Variants in ANKRD26 observed in about 807,000 individuals in gnomAD.
ANKRD26 encodes the protein ankyrin repeat domain 26, also known as ankyrin repeat domain-containing protein 26.
A neutral mutation model predicts 208.7 loss-of-function variants in ANKRD26; 141 were observed. That is an observed-to-expected ratio of 0.68 (90% CI 0.59 to 0.78). The LOEUF (loss-of-function observed/expected upper bound fraction) is 0.78, where lower values mean the gene tolerates loss of function less well. Among genes scored for constraint, ANKRD26 ranks in the 30% least tolerant of loss-of-function variants. The pLI is 0.00. For synonymous variants in ANKRD26, 636 were observed against 660.4 expected, an observed-to-expected ratio of 0.96 and a Z score of 0.57; for missense variants, 1,889 against 1,938.7, an observed-to-expected ratio of 0.97 and a Z score of 0.48.
chr10:26,966,182 C>T, the ANKRD26 span, among the ~76,000 whole-genome samples: 11 of 152,088 alleles, frequency 7.2e-5, no homozygotes, highest in South Asian at 4.2e-4. Flanking sequence ...CACATGCACA[C>T]GTATGTTTAC....
chr10:27,068,505 CA>C (rs1476484382), intron 9 of ANKRD26, among the ~76,000 whole-genome samples: 1 of 151,974 alleles, frequency 6.6e-6, no homozygotes, highest in Non-Finnish European at 1.5e-5. Context: ...GACAGGGCAC[CA>C]TAAACAAAAG....
chr10:27,060,307 A>G, intron 15 of ANKRD26, 38 bp downstream of exon 15: 1 of 1,472,756 alleles, frequency 6.8e-7, no homozygotes. Context: ...ATTTTAACGT[A>G]CTTCCTTCCA....
intron 3 of ANKRD26, among the ~76,000 whole-genome samples, chr10:26,983,046 GT>G (rs1309125071): frequency 1.3e-5 from 2 of 152,108 alleles, no homozygotes; most frequent in African/African-American, 4.8e-5. Context: ...TGTGGCAAAG[GT>G]TCCACCTTGG....
chr10:27,052,660 T>C (rs559841609), intron 16 of ANKRD26, among the ~76,000 whole-genome samples: 2 of 152,282 alleles, frequency 1.3e-5, no homozygotes, highest in African/African-American at 4.8e-5. Flanking sequence ...GGTTCATTAA[T>C]AGTGGATTTA....
chr10:27,096,090 C>A (rs576575131), intron 1 of ANKRD26, among the ~76,000 whole-genome samples: 23 of 152,334 alleles, frequency 1.5e-4, no homozygotes, highest in African/African-American at 5.5e-4. Context: ...AGTCTCAACA[C>A]AGGAGCCAAG....
At chr10:27,066,092 A>C (rs1589318223) in intron 11 of ANKRD26, 1 of 156,320 alleles carries the variant, frequency 6.4e-6, no homozygotes, top group African/African-American at 2.4e-5. Context: ...CCATATCCTG[A>C]CCTCATGATC....
At chr10:27,071,159 A>ATTTTTTTTT (rs71386906) in intron 9 of ANKRD26, among the ~76,000 whole-genome samples, 3 of 85,838 alleles carry the variant, frequency 3.5e-5, no homozygotes, top group South Asian at 3.8e-4. Flanking sequence ...TGCTACATTC[A>ATTTTTTTTT]TTTTTTTTTT....
At position 27,035,391 on chromosome 10, in the gene ANKRD26, C is replaced by T. The variant is rs753614088; in HGVS notation, c.3059G>A (p.Arg1020His). 2.0e-5 allele frequency: 33 copies of T among 1,613,768 alleles called. No homozygotes were observed. The South Asian group carries it at 2.1e-4, about 10-fold the overall frequency. ...TCTTTTTGATGTCTCACTTTGATCA[C>T]GATCATGTATAGCAGCAGCCAATCT... The part of the protein sequence containing the change: ...HSRLAAAIHD[R>H]DQSETSKREL... Residue 1020 changes from arginine (R) to histidine (H), a missense_variant, in exon 24 of 34, where the codon CGT (arginine) becomes CAT (histidine). By Grantham distance (29) the Arg-to-His change is conservative. Around this residue, in one of 3 missense-constraint regions of ANKRD26, gnomAD observed 1,272 missense variants for 1,273.8 expected, o/e 1.00. Transcript: ENST00000376087.
intron 15 of ANKRD26, among the ~76,000 whole-genome samples, chr10:27,054,806 G>A (rs1347303375): frequency 6.6e-6 from 1 of 152,172 alleles, no homozygotes; most frequent in Non-Finnish European, 1.5e-5. Flanking sequence ...TAATCCCAGA[G>A]AAAAGGGCAG....
At chr10:27,020,974 C>CT (rs1222034379) in intron 29 of ANKRD26, among the ~76,000 whole-genome samples, 1 of 143,432 alleles carries the variant, frequency 7.0e-6, no homozygotes, top group Admixed American at 6.9e-5. Flanking sequence ...AAATCTTTTC[C>CT]TTTAAAAAAA....
intron 15 of ANKRD26, among the ~76,000 whole-genome samples, chr10:27,055,300 A>T (rs1248369628): frequency 6.6e-6 from 1 of 152,178 alleles, no homozygotes; most frequent in African/African-American, 2.4e-5. Context: ...TTGTTTTAAA[A>T]GTCCTGCTTC....
intron 4 of ANKRD26, among the ~76,000 whole-genome samples, chr10:26,996,184 C>A (rs901421350): frequency 1.3e-5 from 2 of 152,100 alleles, no homozygotes; most frequent in Non-Finnish European, 2.9e-5. Flanking sequence ...CATGGTGGTT[C>A]ATAACTAATC....
rs188538322 is a variant in ANKRD26, at chr10:27,058,222, A to T, written c.1564+2123T>A. ...ATTTATTATTTGACATCTACAAACC[A>T]TACATATGGTTTAAAACTGTGGTTC... On this transcript the variant is annotated intron_variant, in intron 15 of 33. Coordinates refer to ENST00000376087, the MANE Select transcript of ANKRD26 (RefSeq NM_014915.3). Among the ~76,000 whole-genome samples the T allele has an allele frequency of 6.4e-4, 97 of 152,316 alleles. 1 individual carries two copies. Among genetic ancestry groups the T allele is most frequent in the Middle Eastern group, 3.4e-3 (1 of 294 alleles).
intron 23 of ANKRD26, among the ~76,000 whole-genome samples, chr10:27,036,317 T>A (rs946043371): frequency 1.3e-5 from 2 of 151,994 alleles, no homozygotes; most frequent in African/African-American, 4.8e-5. Flanking sequence ...AATGAACTCA[T>A]TTAGTATCAC....
chr10:26,962,393 G>A, the ANKRD26 span, among the ~76,000 whole-genome samples: 332 of 152,080 alleles, frequency 2.2e-3, 1 homozygote, highest in African/African-American at 7.5e-3. Flanking sequence ...GGGCCAACAT[G>A]GTGAAACCCT....
chr10:26,996,357 C>T (rs142553622), intron 4 of ANKRD26, among the ~76,000 whole-genome samples: 2,586 of 152,204 alleles, frequency 0.017, 162 homozygotes, highest in East Asian at 0.17. Context: ...GTCAGGAGAT[C>T]AAGACCATCC....
chr10:27,024,466 A>C lies in ANKRD26; in HGVS notation c.4066T>G (p.Leu1356Val). The C allele has an allele frequency of 6.5e-7, 1 of 1,537,458 alleles. No individual in the cohort carries two copies. Among genetic ancestry groups the C allele is most frequent in the African/African-American group, 1.4e-5 (1 of 73,458 alleles). Residue 1356 changes from leucine to valine, a missense_variant, in exon 28 of 34, where the codon TTA (leucine) becomes GTA (valine). Transcript: ENST00000376087. The stretch of plus-strand genomic sequence containing the variant: ...TCTTACCCAGTTATCTCTCTTTCTA[A>C]TTCAACATTTTTCTTCATTTCTTGA... ...LDQEMKKNVE[L>V]EREITGFKNL...
chr10:26,962,740 C>T, the ANKRD26 span, among the ~76,000 whole-genome samples: 1 of 151,986 alleles, frequency 6.6e-6, no homozygotes, highest in African/African-American at 2.4e-5. Context: ...AGAGCAAAAT[C>T]CTGTCTCTAA....
At position 27,028,849 on chromosome 10, in the gene ANKRD26, T is replaced by C. The variant is rs72807627; in HGVS notation, c.3972+3A>G. 0.092 allele frequency: 148,243 copies of C among 1,607,462 alleles called. 8,403 individuals are homozygous for C. The highest frequency in any genetic ancestry group is 0.27 in the East Asian group (12,093 of 44,612). On this transcript the variant is annotated splice_donor_region_variant and intron_variant, in intron 27 of 33. Transcript: ENST00000376087. ...TACGACAGAAATTAAGTGGCTGACT[T>C]ACCAAATTTGCATTTAACAGGTTTT... is the stretch of plus-strand genomic sequence containing the variant.
Sources: allele counts gnomAD v4.1 joint callset (sites outside exome capture counted in the v4.1 genomes callset), GRCh38; gene constraint gnomAD v4.1.1; regional missense constraint gnomAD v4.1.1; transcripts MANE v1.5; gene names NCBI Gene and HGNC (gene_info 2026-07-23, HGNC 2026-07-21).